MCUB: variants seen among roughly 807,000 people sequenced by gnomAD.
MCUB encodes the protein mitochondrial calcium uniporter dominant negative subunit beta.
In MCUB, 46 loss-of-function variants were observed where a neutral mutation model predicts 41.4. The ratio of observed to expected loss-of-function variants is 1.11; its 90% confidence interval spans 0.88 to 1.42. MCUB has a LOEUF of 1.42. Among genes scored for constraint, MCUB ranks in the 40% most tolerant of loss-of-function variants. The pLI is 0.00. For synonymous variants in MCUB, 148 were observed against 148.2 expected (o/e 1.00, Z 0.01); for missense variants, 403 against 404.9 (o/e 1.00, Z 0.04).
At chr4:109,673,203 C>G (rs1408394210) in intron 4 of MCUB, among the ~76,000 whole-genome samples, 2 of 152,164 alleles carry the variant, frequency 1.3e-5, no homozygotes, top group Non-Finnish European at 2.9e-5. Flanking sequence ...TCCTAACACC[C>G]TGGAAGGTCT....
chr4:109,603,330 T>G (rs1011631487), intron 1 of MCUB, among the ~76,000 whole-genome samples: 2 of 152,220 alleles, frequency 1.3e-5, no homozygotes, highest in East Asian at 3.9e-4. Flanking sequence ...CTCCTGACCT[T>G]GAGTGATCTG....
intron 1 of MCUB, among the ~76,000 whole-genome samples, chr4:109,587,789 CAT>C (rs1403519670): frequency 1.3e-5 from 2 of 152,066 alleles, no homozygotes; most frequent in Non-Finnish European, 2.9e-5. Flanking sequence ...GAAATAGACT[CAT>C]AAAAATAAGA....
intron 4 of MCUB, among the ~76,000 whole-genome samples, chr4:109,674,840 A>G (rs921658024): frequency 1.3e-5 from 2 of 152,276 alleles, no homozygotes; most frequent in Non-Finnish European, 2.9e-5. Context: ...GCAAAGGTAA[A>G]TGAACACTTT....
chr4:109,561,558 G>A (rs1438810095), intron 1 of MCUB, among the ~76,000 whole-genome samples: 1 of 152,142 alleles, frequency 6.6e-6, no homozygotes, highest in Non-Finnish European at 1.5e-5. Flanking sequence ...CTAAATGTAA[G>A]AACAGGGGCA....
At chr4:109,669,992 T>C (rs1486499119) in intron 4 of MCUB, among the ~76,000 whole-genome samples, 1 of 152,256 alleles carries the variant, frequency 6.6e-6, no homozygotes, top group Non-Finnish European at 1.5e-5. Flanking sequence ...GTCCGATAAT[T>C]CCAATGTTCC....
At chr4:109,613,761 C>T (rs1728068748) in intron 1 of MCUB, among the ~76,000 whole-genome samples, 1 of 152,010 alleles carries the variant, frequency 6.6e-6, no homozygotes, top group African/African-American at 2.4e-5. Flanking sequence ...CACTGAGTGC[C>T]ATATTCTTAA....
Position 109,560,327 on chromosome 4 carries a change from G to A in MCUB, c.-11G>A. On this transcript the variant is annotated 5_prime_UTR_variant, in exon 1 of 8. Transcript: ENST00000394650. ...TGACGCCTGCGGGAGCCGCGCGCCT[G>A]GGGCGGGAGGATGCTCCAGAGGGGC... The A allele has an allele frequency of 8.0e-7, 1 of 1,242,342 alleles. No homozygotes were observed. Among genetic ancestry groups the A allele is most frequent in the South Asian group, 3.1e-5 (1 of 31,824 alleles). 77.0% of individuals were successfully genotyped at this position (1,242,342 alleles called of 1,614,324 possible).
intron 1 of MCUB, among the ~76,000 whole-genome samples, chr4:109,606,276 G>GTT (rs372870427): frequency 6.6e-6 from 1 of 151,596 alleles, no homozygotes; most frequent in Admixed American, 6.6e-5. Context: ...TGCCTGGCCT[G>GTT]TTTTTTTTGT....
intron 1 of MCUB, among the ~76,000 whole-genome samples, chr4:109,579,943 T>C (rs940880583): frequency 5.3e-5 from 8 of 152,364 alleles, no homozygotes; most frequent in African/African-American, 1.7e-4. Context: ...TGCAGTTTGT[T>C]ACATAGGTAT....
intron 4 of MCUB, among the ~76,000 whole-genome samples, chr4:109,676,296 TAGG>T (rs2126149519): frequency 6.6e-6 from 1 of 152,270 alleles, no homozygotes; most frequent in Non-Finnish European, 1.5e-5. Flanking sequence ...CCCGGCACTT[TAGG>T]AGGCTGAGGC....
rs75727358 is a variant in MCUB, at chr4:109,649,475, G to A, written c.100-9536G>A. Among the ~76,000 whole-genome samples the A allele has an allele frequency of 7.5e-3, 1,138 of 151,882 alleles. 12 individuals carry two copies. The highest frequency in any genetic ancestry group is 0.026 in the African/African-American group (1,073 of 41,408). On this transcript the variant is annotated intron_variant, in intron 1 of 7. Coordinates refer to ENST00000394650, the MANE Select transcript of MCUB (RefSeq NM_017918.5). ...TGCTTTCAGTAAACATGTTTTAGTC[G>A]CTCAGTCTCAGTTTTGTTCAAAATG...
chr4:109,625,961 G>C (rs192278791), intron 1 of MCUB, among the ~76,000 whole-genome samples: 1,531 of 152,170 alleles, frequency 0.01, 21 homozygotes, highest in Non-Finnish European at 0.018. Context: ...TAATGCATTC[G>C]TCCTCAGTGT....
chr4:109,634,882 C>A (rs564853029), intron 1 of MCUB, among the ~76,000 whole-genome samples: 1 of 152,266 alleles, frequency 6.6e-6, no homozygotes, highest in African/African-American at 2.4e-5. Context: ...TATACACGTG[C>A]CATGGTGGTT....
intron 1 of MCUB, among the ~76,000 whole-genome samples, chr4:109,585,972 C>T (rs900634043): frequency 4.6e-5 from 7 of 152,062 alleles, no homozygotes; most frequent in Non-Finnish European, 2.9e-5. Flanking sequence ...TCTGTGTTTC[C>T]TGAATTTGAA....
Position 109,601,100 on chromosome 4 carries a change from T to C in MCUB, c.99+40664T>C, listed in dbSNP as rs1444921210. On this transcript the variant is annotated intron_variant, in intron 1 of 7. Transcript: ENST00000394650. ...GAGCTACCGCACCCGGCCTATTGTA[T>C]CTTTTTTTAAAAAAAAGTATTCTCT... is the stretch of plus-strand genomic sequence containing the variant. 2.8e-5 allele frequency among the ~76,000 whole-genome samples: 3 copies of C among 108,112 alleles called. No homozygotes were observed. In the South Asian group the frequency reaches 1.2e-3, roughly 45 times the overall value. 70.9% of individuals were successfully genotyped at this position (108,112 alleles called of 152,430 possible).
At chr4:109,646,425 C>T (rs1728838758) in intron 1 of MCUB, among the ~76,000 whole-genome samples, 1 of 152,158 alleles carries the variant, frequency 6.6e-6, no homozygotes, top group Admixed American at 6.6e-5. Flanking sequence ...TTGCTTCTCT[C>T]CATTTTTATT....
At chr4:109,566,339 G>A (rs928742787) in intron 1 of MCUB, among the ~76,000 whole-genome samples, 12 of 151,368 alleles carry the variant, frequency 7.9e-5, no homozygotes, top group South Asian at 2.1e-4. Context: ...GCTTGGTGGC[G>A]GGCGCCTGTA....
chr4:109,613,952 T>C (rs910324205), intron 1 of MCUB, among the ~76,000 whole-genome samples: 9 of 152,168 alleles, frequency 5.9e-5, no homozygotes, highest in African/African-American at 2.2e-4. Flanking sequence ...ACCAATCTTA[T>C]TTATATTGCC....
At chr4:109,679,516 C>G (rs28369312) in intron 4 of MCUB, among the ~76,000 whole-genome samples, 2 of 152,024 alleles carry the variant, frequency 1.3e-5, no homozygotes, top group Non-Finnish European at 2.9e-5. Flanking sequence ...AGTGGCAGCA[C>G]GTGCCTGGAA....
Sources: allele counts gnomAD v4.1 joint callset (sites outside exome capture counted in the v4.1 genomes callset), GRCh38; gene constraint gnomAD v4.1.1; transcripts MANE v1.5; gene names NCBI Gene and HGNC (gene_info 2026-07-23, HGNC 2026-07-21).